The following HSPBP1 variants were observed in gnomAD, a reference collection of about 807,000 sequenced individuals.
HSPBP1 encodes the protein hsp70-binding protein 1.
A neutral mutation model predicts 41.7 loss-of-function variants in HSPBP1; 31 were observed. The ratio of observed to expected loss-of-function variants is 0.74; its 90% CI spans 0.56 to 1.00. HSPBP1 has a LOEUF of 1.00. Among genes scored for constraint, HSPBP1 ranks in the 50% least tolerant of loss-of-function variants. The probability of loss-of-function intolerance (pLI) is 0.00; values close to 1 mark genes in which losing one functional copy is unlikely to be tolerated. For synonymous variants in HSPBP1, 199 were observed against 214.4 expected (o/e 0.93, Z 0.63); for missense variants, 439 against 487.9 (o/e 0.90, Z 0.94).
chr19:55,270,999 C>T lies in HSPBP1; in HGVS notation c.640+3399G>A, dbSNP rs567819354. Among the ~76,000 whole-genome samples the T allele has an allele frequency of 2.4e-4, 37 of 151,030 alleles. No homozygotes were observed. The South Asian group carries it at 4.2e-3, about 17-fold the overall frequency. On this transcript the variant is annotated intron_variant, in intron 4 of 7. Coordinates refer to ENST00000433386, the MANE Select transcript of HSPBP1 (RefSeq NM_012267.5). The surrounding 1 kb of genome is among the most constrained non-coding windows in gnomAD (Gnocchi z 5.4). The stretch of plus-strand genomic sequence containing the variant: ...ACACACCATACACACCCTACACACG[C>T]GCCACACACCCACTACACACACACA...
chr19:55,266,105 C>G (rs1199687573), intron 5 of HSPBP1, 26 bp downstream of exon 5: 3 of 1,596,862 alleles, frequency 1.9e-6, no homozygotes, highest in South Asian at 2.3e-5. Context: ...CTCCCCACTC[C>G]TGCCCTCACT....
intron 3 of HSPBP1, 68 bp downstream of exon 3, chr19:55,277,574 G>A: frequency 1.3e-6 from 2 of 1,485,832 alleles, no homozygotes; most frequent in Admixed American, 2.0e-5. Context: ...CAAGAGTAGG[G>A]GCAAGAGCTG....
chr19:55,278,041 G>A (rs2088123817), intron 2 of HSPBP1, among the ~76,000 whole-genome samples, 195 bp from the exon 3 acceptor site: 1 of 152,192 alleles, frequency 6.6e-6, no homozygotes. Flanking sequence ...GAGCTCAGGA[G>A]TTTGAGACCA....
rs1326946759 is a variant in HSPBP1 at position 55,277,740 on chromosome 19, G to A, written c.317C>T (p.Pro106Leu). Reference sequence around the variant, plus strand: ...CGCCTGCTCGGCCTCCCCAGCAGTGGGGGGCATGGGCTGTGACAGCACTCG... The same window carrying A: ...CGCCTGCTCGGCCTCCCCAGCAGTGAGGGGCATGGGCTGTGACAGCACTCG... ...CLRVLSQPMP[P>L]TAGEAEQAAD... Residue 106 changes from proline (P) to leucine (L), a missense_variant, in exon 3 of 8, where the codon CCC becomes CTC. Pro to Leu is a moderately conservative substitution (Grantham distance 98, BLOSUM62 -3). Coordinates refer to ENST00000433386, the MANE Select transcript of HSPBP1 (RefSeq NM_012267.5). 1 of 1,608,400 alleles carries A rather than the reference G, an allele frequency of 6.2e-7. No homozygotes were observed. Among genetic ancestry groups the A allele is most frequent in the Non-Finnish European group, 8.5e-7 (1 of 1,177,906 alleles).
Position 55,266,153 on chromosome 19 carries a change from C to T in HSPBP1, c.774G>A (p.Leu258=), listed in dbSNP as rs780388871. The change falls in exon 5 of 8, where the codon CTG becomes CTA. Residue 258 remains leucine, a synonymous_variant. Transcript: ENST00000433386. ...CACCTTTGTGTTCAGGGTGGCCCACCAGCAGGTTCTGCAGCAGGAATGCTG... is the reference window on the plus strand; with the variant it reads ...CACCTTTGTGTTCAGGGTGGCCCACTAGCAGGTTCTGCAGCAGGAATGCTG... ...VKSAFLLQNL[L]VGHPEHKGTL... 1.3e-6 allele frequency: 2 copies of T among 1,599,864 alleles called. No homozygotes were observed. The highest frequency in any genetic ancestry group is 4.5e-5 in the East Asian group (2 of 44,256).
intron 6 of HSPBP1, among the ~76,000 whole-genome samples, chr19:55,265,593 G>A (rs528895192): frequency 2.6e-5 from 4 of 152,162 alleles, no homozygotes; most frequent in African/African-American, 7.2e-5. Context: ...ACAGGGCCTG[G>A]TGCGTGTCAA....
In HSPBP1 at chr19:55,270,761, C is replaced by T. The variant is rs190912008; in HGVS notation, c.640+3637G>A. Among the ~76,000 whole-genome samples, 561 of 151,126 alleles carry T rather than the reference C, an allele frequency of 3.7e-3. 5 individuals carry two copies. Among genetic ancestry groups the T allele is most frequent in the African/African-American group, 0.013 (545 of 41,094 alleles). On this transcript the variant is annotated intron_variant, in intron 4 of 7. Coordinates refer to ENST00000433386, the MANE Select transcript of HSPBP1 (RefSeq NM_012267.5). This position sits in a 1 kb window ranked among gnomAD's most constrained non-coding sequence, Gnocchi z 5.4. ...CCACATCCACACATCCCACACACGC[C>T]ATGCACATCCACACACCACACATAC...
Position 55,265,873 on chromosome 19 carries a change from G to A in HSPBP1, c.893+13C>T, listed in dbSNP as rs2087760760. ...CCCACCCCAGGCCCCGTCCTCTCAA[G>A]GAGCCAAAGTACCTGCACAGGGCTC... On this transcript the variant is annotated intron_variant, in intron 6 of 7. Coordinates refer to ENST00000433386, the MANE Select transcript of HSPBP1 (RefSeq NM_012267.5). 6.3e-7 allele frequency: 1 copy of A among 1,588,076 alleles called. No individual in the cohort carries two copies. Among genetic ancestry groups the A allele is most frequent in the Non-Finnish European group, 8.6e-7 (1 of 1,168,560 alleles).
Position 55,272,838 on chromosome 19 carries a change from C to CAAA in HSPBP1, c.640+1557_640+1559dup, listed in dbSNP as rs5828616. Among the ~76,000 whole-genome samples the CAAA allele has an allele frequency of 7.5e-6, 1 of 133,656 alleles. No individual in the cohort carries two copies. 87.7% of individuals were successfully genotyped at this position (133,656 alleles called of 152,430 possible). A position where few individuals can be genotyped will look rare whatever the true frequency, so the allele number is the denominator to read the frequency against. On this transcript the variant is annotated intron_variant, in intron 4 of 7. Coordinates refer to ENST00000433386, the MANE Select transcript of HSPBP1 (RefSeq NM_012267.5). The surrounding 1 kb of genome is among the most constrained non-coding windows in gnomAD (Gnocchi z 4.2). ...GGGTGACAAGAGCGAGACTCTGTCT[C>CAAA]AAAAAAAAAAAAAAGAAAGAAAAGA...
Position 55,274,347 on chromosome 19 carries a change from AC to A in HSPBP1, c.640+50del, listed in dbSNP as rs11427517. 2,405 of 323,028 alleles carry A rather than the reference AC, an allele frequency of 7.4e-3. 1 individual carries two copies. Among genetic ancestry groups the A allele is most frequent in the South Asian group, 0.016 (428 of 27,426 alleles). 20.0% of individuals were successfully genotyped at this position (323,028 alleles called of 1,614,324 possible). ...AGCAGATCCCGGGGGCCCACCCGGC[AC>A]CCCCCCCCACCGCCAGCACCCCTGT... is the stretch of plus-strand genomic sequence containing the variant. On this transcript the variant is annotated intron_variant, in intron 4 of 7. Transcript: ENST00000433386.
At position 55,279,580 on chromosome 19, in the gene HSPBP1, C is replaced by T. The variant is rs1256744590; in HGVS notation, c.29G>A (p.Arg10His). ...GGCCGGGGGCAGCGCCAGGGGCAGG[C>T]GGCTCCCCCTTGAGCCTTCGTCTGA... MSDEGSRGS[R>H]LPLALPPASQ... Residue 10 changes from arginine (R) to histidine (H), a missense_variant, in exon 2 of 8, where the codon CGC (arginine) becomes CAC (histidine). Coordinates refer to ENST00000433386, the MANE Select transcript of HSPBP1 (RefSeq NM_012267.5). 6.3e-7 allele frequency: 1 copy of T among 1,599,086 alleles called. No individual in the cohort carries two copies.
intron 4 of HSPBP1, among the ~76,000 whole-genome samples, chr19:55,271,682 T>C (rs1209651414): frequency 2.0e-5 from 3 of 152,148 alleles, no homozygotes; most frequent in African/African-American, 7.2e-5. Flanking sequence ...TCAGGATACA[T>C]GGGGGTGAGG....
rs1047836387 is a variant in HSPBP1 at position 55,270,009 on chromosome 19, G to A, written c.641-3723C>T. 7.2e-5 allele frequency among the ~76,000 whole-genome samples: 11 copies of A among 152,086 alleles called. No homozygotes were observed. Among genetic ancestry groups the A allele is most frequent in the African/African-American group, 2.4e-4 (10 of 41,410 alleles). ...GGAAGGGCAGTGGCACCACCGCCTC[G>A]GGCAGCAGGAGCTGAGGGGACGTAC... On this transcript the variant is annotated intron_variant, in intron 4 of 7. Transcript: ENST00000433386. This position sits in a 1 kb window ranked among gnomAD's most constrained non-coding sequence, Gnocchi z 5.4.
chr19:55,272,319 A>G lies in HSPBP1; in HGVS notation c.640+2079T>C, dbSNP rs1004869814. On this transcript the variant is annotated intron_variant, in intron 4 of 7. Coordinates refer to ENST00000433386, the MANE Select transcript of HSPBP1 (RefSeq NM_012267.5). This position sits in a 1 kb window ranked among gnomAD's most constrained non-coding sequence, Gnocchi z 4.2. ...CAACAGGACACATTCAGCCGCGGGA[A>G]GGAACACAGCACTGCCACCCGCCAC... 1.3e-5 allele frequency among the ~76,000 whole-genome samples: 2 copies of G among 152,156 alleles called. No individual in the cohort carries two copies. The highest frequency in any genetic ancestry group is 1.5e-5 in the Non-Finnish European group (1 of 68,020).
chr19:55,275,949 G>GAA (rs775780681), intron 3 of HSPBP1, among the ~76,000 whole-genome samples: 86 of 110,470 alleles, frequency 7.8e-4, no homozygotes, highest in African/African-American at 2.5e-3. Flanking sequence ...CTCTGTCTCA[G>GAA]AAAAAAAAAA....
In HSPBP1 at chr19:55,264,356, C is replaced by T. The variant is rs550162936; in HGVS notation, c.1005+922G>A. On this transcript the variant is annotated intron_variant, in intron 7 of 7. Coordinates refer to ENST00000433386, the MANE Select transcript of HSPBP1 (RefSeq NM_012267.5). ...ATATAACGTCCCAAGGAGGTGGGTG[C>T]GTTTGCTAAGCTCGGCTTTGCTGAA... 1.5e-3 allele frequency among the ~76,000 whole-genome samples: 222 copies of T among 152,268 alleles called. 2 individuals carry two copies. Among genetic ancestry groups the T allele is most frequent in the African/African-American group, 4.7e-3 (196 of 41,550 alleles).
At chr19:55,273,205 G>T (rs1369664735) in intron 4 of HSPBP1, among the ~76,000 whole-genome samples, 4 of 152,086 alleles carry the variant, frequency 2.6e-5, no homozygotes, top group Admixed American at 2.6e-4. Flanking sequence ...GCCCAGGCTG[G>T]TCTCAAACTC....
In HSPBP1 at chr19:55,268,644, T is replaced by C. The variant is rs554985653; in HGVS notation, c.641-2358A>G. Among the ~76,000 whole-genome samples, 14 of 152,266 alleles carry C rather than the reference T, an allele frequency of 9.2e-5. No individual in the cohort carries two copies. The highest frequency in any genetic ancestry group is 8.5e-4 in the Admixed American group (13 of 15,290). On this transcript the variant is annotated intron_variant, in intron 4 of 7. Transcript: ENST00000433386. The surrounding 1 kb of genome is among the most constrained non-coding windows in gnomAD (Gnocchi z 4.5). ...CATTGAAATTATAATAGTTTGGACA[T>C]ATTGGGTTACATATTTATTTATTTT...
At chr19:55,274,353 C>CCCCCCCCCCCCCCCCCCCCCT in intron 4 of HSPBP1, 45 bp downstream of exon 4, 1 of 600,780 alleles carries the variant, frequency 1.7e-6, no homozygotes, top group Non-Finnish European at 2.8e-6. Flanking sequence ...CGGCACCCCC[C>CCCCCCCCCCCCCCCCCCCCCT]CCCACCGCCA....
Sources: gnomAD v4.1 joint callset for allele counts (sites outside exome capture counted in the v4.1 genomes callset) on GRCh38, gnomAD v4.1.1 for gene constraint, Gnocchi (gnomAD v3.1) non-coding constraint, MANE v1.5 for transcripts, NCBI Gene and HGNC (gene_info 2026-07-23, HGNC 2026-07-21) for gene names.